The following GPAM variants were observed in gnomAD, a reference collection of about 807,000 sequenced individuals.
GPAM encodes glycerol-3-phosphate acyltransferase 1, mitochondrial.
A neutral mutation model predicts 105.0 loss-of-function variants in GPAM; 56 were observed. The observed-to-expected ratio is 0.53, with a 90% CI of 0.43 to 0.67. GPAM has a LOEUF of 0.67. GPAM is among the 30% of genes least tolerant of loss of function. GPAM has a pLI of 0.00. For synonymous variants in GPAM, 368 were observed against 354.4 expected (o/e 1.04, Z -0.43); for missense variants, 855 against 989.8 (o/e 0.86, Z 1.83).
upstream of GPAM, among the ~76,000 whole-genome samples, chr10:112,186,569 C>T (rs1057253385): frequency 3.9e-5 from 6 of 152,014 alleles, no homozygotes; most frequent in South Asian, 4.1e-4. Flanking sequence ...GATGGAATCT[C>T]GCTCTGTCAC....
At chr10:112,181,603 G>A (rs752365961) in intron 3 of GPAM, 80 bp downstream of exon 3, 7 of 803,820 alleles carry the variant, frequency 8.7e-6, no homozygotes, top group Admixed American at 1.7e-5. Flanking sequence ...TTATGTTGCT[G>A]CCAGTATTTG....
intron 1 of GPAM, among the ~76,000 whole-genome samples, chr10:112,195,132 A>C (rs1847708165): frequency 6.6e-6 from 1 of 151,998 alleles, no homozygotes; most frequent in South Asian, 2.1e-4. Context: ...GCAGCGTGCC[A>C]AATGCACCAT....
At chr10:112,216,658 C>G (rs1375999566), upstream of GPAM, among the ~76,000 whole-genome samples, 1 of 151,684 alleles carries the variant, frequency 6.6e-6, no homozygotes, top group East Asian at 2.0e-4. Flanking sequence ...GAGTCTCACT[C>G]TGTCCCCCAG....
upstream of GPAM, among the ~76,000 whole-genome samples, chr10:112,188,486 T>C (rs1174454602): frequency 6.6e-6 from 1 of 152,216 alleles, no homozygotes; most frequent in African/African-American, 2.4e-5. Flanking sequence ...TATAAAAAGC[T>C]GGTCCCACCC....
chr10:112,177,965 A>C lies in GPAM; in HGVS notation c.299+19T>G. ...TTTTCTTTTGAGATGTATTAAAAAC[A>C]TAAGAAATTTCTTTTTACCTTGTGT... On this transcript the variant is annotated intron_variant, in intron 5 of 21. Transcript: ENST00000348367. 2 of 1,380,746 alleles carry C rather than the reference A, an allele frequency of 1.4e-6. No individual in the cohort carries two copies. Among genetic ancestry groups the C allele is most frequent in the Non-Finnish European group, 2.1e-6 (2 of 968,368 alleles). 85.5% of individuals were successfully genotyped at this position (1,380,746 alleles called of 1,614,324 possible). A position where few individuals can be genotyped will look rare whatever the true frequency, so the allele number is the denominator to read the frequency against.
intron 17 of GPAM, among the ~76,000 whole-genome samples, chr10:112,159,341 C>T (rs1404901710): frequency 6.6e-6 from 1 of 151,678 alleles, no homozygotes; most frequent in Non-Finnish European, 1.5e-5. Context: ...CTGCCTCAGC[C>T]TCCAAAGTAG....
Position 112,168,382 on chromosome 10 carries a change from T to C in GPAM, c.1037A>G (p.Asp346Gly). 1 of 1,611,452 alleles carries C rather than the reference T, an allele frequency of 6.2e-7. No individual in the cohort carries two copies. The highest frequency in any genetic ancestry group is 1.1e-5 in the South Asian group (1 of 91,006). The stretch of plus-strand genomic sequence containing the variant: ...GATTCCAACAGGTATTATCAAGATG[T>C]CTGGGATGACATTGGTAGACAGAGT... ...VDTLSTNVIP[D>G]ILIIPVGISY... The change falls in exon 11 of 22, where the codon GAC becomes GGC. Residue 346 changes from aspartate to glycine, a missense_variant. By Grantham distance (94) the Asp-to-Gly change is moderately conservative. Coordinates refer to ENST00000348367, the MANE Select transcript of GPAM (RefSeq NM_001244949.2).
At chr10:112,204,521 A>G (rs913731402) in intron 1 of GPAM, among the ~76,000 whole-genome samples, 3 of 150,370 alleles carry the variant, frequency 2.0e-5, no homozygotes, top group Non-Finnish European at 1.5e-5. Context: ...AAGTTTATTT[A>G]TTGCATGTCT....
chr10:112,150,798 A>G lies in GPAM; in HGVS notation c.*2752T>C. ...TAAAACACTGATGAACATCTCACAGAGCACTCATATTACATGGAGTGCTAT... is the reference window on the plus strand; with the variant it reads ...TAAAACACTGATGAACATCTCACAGGGCACTCATATTACATGGAGTGCTAT... On this transcript the variant is annotated 3_prime_UTR_variant, in exon 22 of 22. Coordinates refer to ENST00000348367, the MANE Select transcript of GPAM (RefSeq NM_001244949.2). The G allele has an allele frequency of 1.0e-6, 1 of 985,394 alleles. No individual in the cohort carries two copies. The highest frequency in any genetic ancestry group is 1.2e-6 in the Non-Finnish European group (1 of 829,866). The allele number at this position is 985,394 out of a possible 1,614,324, so 61.0% of individuals were successfully genotyped here. A position where few individuals can be genotyped will look rare whatever the true frequency, so the allele number is the denominator to read the frequency against.
chr10:112,190,153 G>C (rs1443863882), intron 1 of GPAM, among the ~76,000 whole-genome samples: 1 of 152,008 alleles, frequency 6.6e-6, no homozygotes, highest in Non-Finnish European at 1.5e-5. Flanking sequence ...CTCATTGCCA[G>C]AATGACTCAA....
At chr10:112,175,493 G>A in intron 6 of GPAM, 107 bp downstream of exon 6, 2 of 756,356 alleles carry the variant, frequency 2.6e-6, no homozygotes, top group South Asian at 2.8e-5. Flanking sequence ...AACACTTCTT[G>A]AGACACAGTC....
chr10:112,218,465 C>T (rs1238858747), upstream of GPAM, among the ~76,000 whole-genome samples: 1 of 152,040 alleles, frequency 6.6e-6, no homozygotes, highest in Non-Finnish European at 1.5e-5. Context: ...GGGAGATGCG[C>T]TGGGTAGGAT....
At chr10:112,161,515 A>C (rs565688131) in intron 15 of GPAM, 152 bp downstream of exon 15, 4 of 673,376 alleles carry the variant, frequency 5.9e-6, no homozygotes, top group African/African-American at 5.4e-5. Context: ...CAAGTTGATA[A>C]GCTCCTTTGG....
Position 112,151,295 on chromosome 10 carries a change from C to A in GPAM, c.*2255G>T. 1 of 985,618 alleles carries A rather than the reference C, an allele frequency of 1.0e-6. No individual in the cohort carries two copies. 61.1% of individuals were successfully genotyped at this position (985,618 alleles called of 1,614,324 possible). A position where few individuals can be genotyped will look rare whatever the true frequency, so the allele number is the denominator to read the frequency against. ...GTATCTTTTAGCAAAACGGTGCTAT[C>A]TGGAAGCTTCATTGTGAAGATGCTT... is the stretch of plus-strand genomic sequence containing the variant. On this transcript the variant is annotated 3_prime_UTR_variant, in exon 22 of 22. Transcript: ENST00000348367.
chr10:112,207,983 T>G (rs7898893), intron 1 of GPAM, among the ~76,000 whole-genome samples: 24,359 of 152,206 alleles, frequency 0.16, 2,438 homozygotes, highest in African/African-American at 0.27. Context: ...GCCCAAGAAC[T>G]TGGACTTTGC....
Position 112,200,244 on chromosome 10 carries a change from T to TATAGAGAG in GPAM, n.210+14923_210+14924insCTCTCTAT, listed in dbSNP as rs61460320. Among the ~76,000 whole-genome samples the TATAGAGAG allele has an allele frequency of 1.0e-3, 126 of 123,558 alleles. 1 individual carries two copies. The highest frequency in any genetic ancestry group is 3.8e-3 in the African/African-American group (122 of 32,372). The allele number at this position is 123,558 out of a possible 152,430, so 81.1% of individuals were successfully genotyped here. A position where few individuals can be genotyped will look rare whatever the true frequency, so the allele number is the denominator to read the frequency against. On this transcript the variant is annotated intron_variant and non_coding_transcript_variant, in intron 1 of 3. Transcript: ENST00000480130. ...CACTATATGTATATATATATATATA[T>TATAGAGAG]AGAGAGAGAGAGAGAGAGAGAGAGA...
intron 5 of GPAM, among the ~76,000 whole-genome samples, chr10:112,177,106 AAGAG>A (rs764899424): frequency 1.6e-4 from 25 of 151,586 alleles, no homozygotes; most frequent in African/African-American, 4.6e-4. Context: ...GCAAATTTAA[AAGAG>A]AGAGAGAGAG....
At position 112,181,753 on chromosome 10, in the gene GPAM, A is replaced by C. The variant is rs201270796; in HGVS notation, c.32T>G (p.Ile11Arg). Residue 11 changes from isoleucine to arginine, a missense_variant, in exon 3 of 22, where the codon ATA becomes AGA. Transcript: ENST00000348367. Reference protein sequence around the residue: MDESALTLGTIDVSYLPHSSE... With the variant: MDESALTLGTRDVSYLPHSSE... Reference sequence around the variant, plus strand: ...TGAATGTGGCAGATAAGAAACATCTATTGTACCAAGGGTCAGTGCAGATTC... The same window carrying C: ...TGAATGTGGCAGATAAGAAACATCTCTTGTACCAAGGGTCAGTGCAGATTC... The C allele has an allele frequency of 1.2e-6, 2 of 1,609,212 alleles. No individual in the cohort carries two copies. The highest frequency in any genetic ancestry group is 1.7e-6 in the Non-Finnish European group (2 of 1,175,596).
chr10:112,154,970 G>T, intron 20 of GPAM: 1 of 505,196 alleles, frequency 2.0e-6, no homozygotes, highest in Non-Finnish European at 3.6e-6. Flanking sequence ...ACAGAGGGAA[G>T]TAGAAATACC....
Sources: allele counts gnomAD v4.1 joint callset (sites outside exome capture counted in the v4.1 genomes callset), GRCh38; gene constraint gnomAD v4.1.1; transcripts MANE v1.5; gene names NCBI Gene and HGNC (gene_info 2026-07-23, HGNC 2026-07-21).